Variants in ADAMTS6 observed in about 807,000 individuals in gnomAD.
ADAMTS6 encodes the protein A disintegrin and metalloproteinase with thrombospondin motifs 6.
In ADAMTS6, 23 loss-of-function variants were observed where a neutral mutation model predicts 144.3. That is an observed-to-expected ratio of 0.16 (90% CI 0.11 to 0.23). The LOEUF is 0.23. Among genes scored for constraint, ADAMTS6 ranks in the 10% least tolerant of loss-of-function variants. ADAMTS6 has a pLI of 1.00. For synonymous variants in ADAMTS6, 444 were observed against 457.5 expected (o/e 0.97, Z 0.38); for missense variants, 999 against 1,379.6 (o/e 0.72, Z 4.37).
intron 3 of ADAMTS6, among the ~76,000 whole-genome samples, chr5:65,464,315 TATA>T (rs1355537972): frequency 1.3e-5 from 2 of 152,186 alleles, no homozygotes; most frequent in African/African-American, 4.8e-5. Context: ...ATTTTTAAAA[TATA>T]ATACATATAA....
chr5:65,341,698 A>G (rs200986496), intron 7 of ADAMTS6, among the ~76,000 whole-genome samples: 2 of 152,114 alleles, frequency 1.3e-5, no homozygotes, highest in South Asian at 2.1e-4. Flanking sequence ...AATCAATAAT[A>G]AAAAGACTTC....
chr5:65,168,561 G>T (rs1285437493), intron 24 of ADAMTS6, among the ~76,000 whole-genome samples: 2 of 126,130 alleles, frequency 1.6e-5, no homozygotes, highest in Non-Finnish European at 3.4e-5. Flanking sequence ...AACCAAAAAA[G>T]AGCCCGCATC....
rs188599204 is a variant in ADAMTS6, at chr5:65,234,499, A to C, written c.1933+7605T>G. Among the ~76,000 whole-genome samples the C allele has an allele frequency of 1.8e-4, 28 of 152,204 alleles. No homozygotes were observed. In the East Asian group the frequency reaches 5.2e-3, roughly 28 times the overall value. On this transcript the variant is annotated intron_variant, in intron 15 of 24. Transcript: ENST00000381055. ...GATACAAATGGCAACAGGTACATGA[A>C]AAGGTGTGCAAAATCACTAATCATC... is the stretch of plus-strand genomic sequence containing the variant.
Position 65,423,165 on chromosome 5 carries a change from G to A in ADAMTS6, c.1073+28310C>T, listed in dbSNP as rs191691674. Among the ~76,000 whole-genome samples the A allele has an allele frequency of 5.3e-5, 8 of 152,286 alleles. No homozygotes were observed. The East Asian group carries it at 1.5e-3, about 29-fold the overall frequency. On this transcript the variant is annotated intron_variant, in intron 7 of 24. Transcript: ENST00000381055. ...TGCTATAATGGATACTGGAGATTCA[G>A]AAGGGGGAAGGATAGGAGGAGGGTG...
chr5:65,361,622 T>A (rs1330355910), intron 7 of ADAMTS6, among the ~76,000 whole-genome samples: 1 of 152,228 alleles, frequency 6.6e-6, no homozygotes, highest in Non-Finnish European at 1.5e-5. Flanking sequence ...TCAGTTGGGC[T>A]AGAAATGGTA....
chr5:65,352,559 A>C (rs1217757664), intron 7 of ADAMTS6, among the ~76,000 whole-genome samples: 1 of 152,136 alleles, frequency 6.6e-6, no homozygotes, highest in Non-Finnish European at 1.5e-5. Flanking sequence ...CCTACACAAG[A>C]CTAAATAAAA....
At chr5:65,188,382 T>C (rs1754802077) in intron 21 of ADAMTS6, among the ~76,000 whole-genome samples, 162 bp from the exon 22 acceptor site, 1 of 152,202 alleles carries the variant, frequency 6.6e-6, no homozygotes, top group South Asian at 2.1e-4. Context: ...AAAAGACCTT[T>C]ACTGTCATTT....
chr5:65,354,168 T>C (rs1749112331), intron 7 of ADAMTS6, among the ~76,000 whole-genome samples: 1 of 151,930 alleles, frequency 6.6e-6, no homozygotes, highest in African/African-American at 2.4e-5. Context: ...TAATTCTTTA[T>C]TGCTTTGCAT....
chr5:65,185,952 T>C (rs1054051244), intron 22 of ADAMTS6, among the ~76,000 whole-genome samples: 12 of 152,214 alleles, frequency 7.9e-5, no homozygotes, highest in African/African-American at 2.4e-4. Flanking sequence ...ATTTTAGTGG[T>C]TGGCAGCAAC....
intron 7 of ADAMTS6, among the ~76,000 whole-genome samples, chr5:65,388,212 C>CA (rs34083197): frequency 2.3e-4 from 34 of 149,974 alleles, no homozygotes; most frequent in African/African-American, 4.6e-4. Context: ...CCAACCCCCC[C>CA]AAAAAAAAAG....
chr5:65,428,688 C>T (rs1019554179), intron 7 of ADAMTS6, among the ~76,000 whole-genome samples: 2 of 152,172 alleles, frequency 1.3e-5, no homozygotes, highest in African/African-American at 4.8e-5. Context: ...CCCTGATACA[C>T]AACAAAGTAC....
intron 12 of ADAMTS6, among the ~76,000 whole-genome samples, chr5:65,267,323 C>T (rs1223011038): frequency 3.3e-5 from 5 of 152,012 alleles, no homozygotes; most frequent in South Asian, 2.1e-4. Context: ...CTAAATTATC[C>T]GGATAAATTG....
At chr5:65,172,779 G>A in intron 23 of ADAMTS6, 53 bp downstream of exon 23, 3 of 1,575,124 alleles carry the variant, frequency 1.9e-6, no homozygotes, top group South Asian at 2.4e-5. Flanking sequence ...GGAACCTCAG[G>A]TTTGTGTCTC....
At chr5:65,402,250 C>G (rs1561505934) in intron 7 of ADAMTS6, among the ~76,000 whole-genome samples, 1 of 152,098 alleles carries the variant, frequency 6.6e-6, no homozygotes, top group Non-Finnish European at 1.5e-5. Flanking sequence ...TTTCTCTTCT[C>G]TCTCTCCAAT....
intron 20 of ADAMTS6, among the ~76,000 whole-genome samples, chr5:65,197,767 C>T (rs943237746): frequency 6.6e-5 from 10 of 152,242 alleles, no homozygotes; most frequent in African/African-American, 2.4e-4. Context: ...ACAGAGTTGA[C>T]CCCTGTTGAT....
At position 65,317,932 on chromosome 5, in the gene ADAMTS6, G is replaced by A. The variant is rs111363025; in HGVS notation, c.1223+11446C>T. On this transcript the variant is annotated intron_variant, in intron 9 of 24. Transcript: ENST00000381055. ...ACTAAAAATACAAAAAAAATTAGCC[G>A]GGTGTGGTGGTGGGCCCCTGTAGTC... Among the ~76,000 whole-genome samples the A allele has an allele frequency of 9.2e-5, 14 of 151,926 alleles. 1 individual carries two copies. Among genetic ancestry groups the A allele is most frequent in the African/African-American group, 3.4e-4 (14 of 41,456 alleles).
Position 65,215,477 on chromosome 5 carries a change from A to G in ADAMTS6, c.2283T>C (p.Ser761=). 1 of 1,601,460 alleles carries G rather than the reference A, an allele frequency of 6.2e-7. No homozygotes were observed. Among genetic ancestry groups the G allele is most frequent in the Non-Finnish European group, 8.5e-7 (1 of 1,176,454 alleles). Reference sequence around the variant, plus strand: ...CATTAATATAGTAATCATCTCCTTCAGATTTTAAAGCTAGAAAACAAATCA... The same window carrying G: ...CATTAATATAGTAATCATCTCCTTCGGATTTTAAAGCTAGAAAACAAATCA... ...AMSKNYIALK[S]EGDDYYINGA... Residue 761 remains serine, a synonymous_variant, in exon 19 of 25, where the codon TCT becomes TCC. Coordinates refer to ENST00000381055, the MANE Select transcript of ADAMTS6 (RefSeq NM_197941.4).
At chr5:65,157,594 T>C (rs1450363513) in intron 24 of ADAMTS6, among the ~76,000 whole-genome samples, 2 of 152,230 alleles carry the variant, frequency 1.3e-5, no homozygotes, top group African/African-American at 4.8e-5. Context: ...AAGAAAACAG[T>C]AAGTGAAGAG....
intron 7 of ADAMTS6, among the ~76,000 whole-genome samples, chr5:65,354,572 G>A (rs576206628): frequency 6.6e-5 from 10 of 151,768 alleles, no homozygotes; most frequent in South Asian, 6.2e-4. Context: ...TAATTCAGTC[G>A]TTAATAAAAT....
Sources: allele counts gnomAD v4.1 joint callset (sites outside exome capture counted in the v4.1 genomes callset), GRCh38; gene constraint gnomAD v4.1.1; transcripts MANE v1.5; gene names NCBI Gene and HGNC (gene_info 2026-07-23, HGNC 2026-07-21).